Variants in NTN1 observed in about 807,000 individuals in gnomAD.
NTN1 encodes the protein netrin 1, also known as netrin-1.
In NTN1, 11 loss-of-function variants were observed where a neutral mutation model predicts 54.2. The ratio of observed to expected loss-of-function variants is 0.20; its 90% CI spans 0.13 to 0.34. The LOEUF (loss-of-function observed/expected upper bound fraction) is 0.34, where lower values mean the gene tolerates loss of function less well. NTN1 is among the 10% of genes least tolerant of loss of function. The pLI is 1.00. For missense variants in NTN1, 740 were observed against 893.1 expected (o/e 0.83, Z 2.18); for synonymous variants, 371 against 382.0 (o/e 0.97, Z 0.33).
At position 9,023,115 on chromosome 17, in the gene NTN1, C is replaced by A; in HGVS notation, c.742C>A (p.Arg248Ser). ...GGACTGGGTCACGGCCACAGACATC[C>A]GCGTGGCCTTCAGCCGCCTGCACAC... Reference protein sequence around the residue: ...LQDWVTATDIRVAFSRLHTFG... With the variant: ...LQDWVTATDISVAFSRLHTFG... The change falls in exon 2 of 7, where the codon CGC becomes AGC. Residue 248 changes from arginine (R) to serine (S), a missense_variant. Physicochemically the swap from Arg to Ser is moderately radical, Grantham distance 110. Transcript: ENST00000173229. The A allele has an allele frequency of 6.4e-7, 1 of 1,566,756 alleles. No individual in the cohort carries two copies. Among genetic ancestry groups the A allele is most frequent in the Non-Finnish European group, 8.6e-7 (1 of 1,156,280 alleles).
Position 9,163,044 on chromosome 17 carries a change from G to T in NTN1, c.1207+43G>T, listed in dbSNP as rs181255712. ...GGGCGGGGGGCTGGGGAGACCCGGGGAACATCAGTCCTCCCGCTCCCTCCT... is the reference window on the plus strand; with the variant it reads ...GGGCGGGGGGCTGGGGAGACCCGGGTAACATCAGTCCTCCCGCTCCCTCCT... On this transcript the variant is annotated intron_variant, in intron 3 of 6. Transcript: ENST00000173229. 4.6e-3 allele frequency: 7,068 copies of T among 1,540,124 alleles called. 27 individuals are homozygous for T. The highest frequency in any genetic ancestry group is 5.9e-3 in the Non-Finnish European group (6,652 of 1,136,472).
chr17:9,059,028 G>A (rs745491507), intron 2 of NTN1, among the ~76,000 whole-genome samples: 6 of 152,146 alleles, frequency 3.9e-5, no homozygotes, highest in African/African-American at 9.7e-5. Flanking sequence ...GTCTCAGAGG[G>A]CTGTTAGGAG....
chr17:9,221,343 T>C lies in NTN1; in HGVS notation c.1486+101T>C, dbSNP rs942709108. 1.1e-6 allele frequency: 1 copy of C among 870,148 alleles called. No homozygotes were observed. The highest frequency in any genetic ancestry group is 2.6e-4 in the Middle Eastern group (1 of 3,908). The allele number at this position is 870,148 out of a possible 1,614,324, so 53.9% of individuals were successfully genotyped here. ...GCTGGCCCCCGATGGGTGTTGGTCG[T>C]GAAGACCCTGTGACCGATGGGAACT... On this transcript the variant is annotated intron_variant, in intron 6 of 6. Coordinates refer to ENST00000173229, the MANE Select transcript of NTN1 (RefSeq NM_004822.3). The surrounding 1 kb of genome is among the most constrained non-coding windows in gnomAD (Gnocchi z 4.5).
At position 9,221,705 on chromosome 17, in the gene NTN1, C is replaced by T. The variant is rs150646351; in HGVS notation, c.1486+463C>T. 1.3e-5 allele frequency among the ~76,000 whole-genome samples: 2 copies of T among 152,344 alleles called. No homozygotes were observed. The highest frequency in any genetic ancestry group is 2.4e-5 in the African/African-American group (1 of 41,584). On this transcript the variant is annotated intron_variant, in intron 6 of 6. Coordinates refer to ENST00000173229, the MANE Select transcript of NTN1 (RefSeq NM_004822.3). This position sits in a 1 kb window ranked among gnomAD's most constrained non-coding sequence, Gnocchi z 4.5. Reference sequence around the variant, plus strand: ...AGGCTGTAGCGGGGCCGGGAGTCTGCGCTGTAAACGGCTCACCACTCATTC... The same window carrying T: ...AGGCTGTAGCGGGGCCGGGAGTCTGTGCTGTAAACGGCTCACCACTCATTC...
intron 5 of NTN1, among the ~76,000 whole-genome samples, chr17:9,218,915 GAA>G (rs58849878): frequency 0.02 from 2,862 of 141,084 alleles, 56 homozygotes; most frequent in Middle Eastern, 0.05. Flanking sequence ...TGGCTTTTGT[GAA>G]AAAAAAAAAA....
intron 5 of NTN1, among the ~76,000 whole-genome samples, chr17:9,215,397 CTA>C (rs1424158573): frequency 6.6e-6 from 1 of 152,154 alleles, no homozygotes; most frequent in African/African-American, 2.4e-5. Flanking sequence ...TTTGGCATCT[CTA>C]TGTTTACTGG....
intron 3 of NTN1, among the ~76,000 whole-genome samples, chr17:9,164,911 C>G (rs1190179532): frequency 6.6e-6 from 1 of 152,182 alleles, no homozygotes; most frequent in Non-Finnish European, 1.5e-5. Flanking sequence ...AAAGGTGTGA[C>G]CAGGACAAGC....
At chr17:9,177,831 CGA>C (rs757878834) in intron 3 of NTN1, 4 of 152,276 alleles carry the variant, frequency 2.6e-5, no homozygotes, top group African/African-American at 9.6e-5. Context: ...TTCTTACTGT[CGA>C]GAGAGACAAA....
At chr17:9,051,352 G>A (rs906364885) in intron 2 of NTN1, among the ~76,000 whole-genome samples, 4 of 152,120 alleles carry the variant, frequency 2.6e-5, no homozygotes, top group Non-Finnish European at 4.4e-5. Flanking sequence ...CTCCCCTCCC[G>A]GGATTGCTTC....
In NTN1 at chr17:9,221,349, C is replaced by T. The variant is rs1014441971; in HGVS notation, c.1486+107C>T. The T allele has an allele frequency of 7.2e-6, 6 of 837,926 alleles. No homozygotes were observed. Among genetic ancestry groups the T allele is most frequent in the Admixed American group, 3.5e-5 (2 of 57,140 alleles). The allele number at this position is 837,926 out of a possible 1,614,324, so 51.9% of individuals were successfully genotyped here. On this transcript the variant is annotated intron_variant, in intron 6 of 6. Transcript: ENST00000173229. This position sits in a 1 kb window ranked among gnomAD's most constrained non-coding sequence, Gnocchi z 4.5. ...CCCCGATGGGTGTTGGTCGTGAAGACCCTGTGACCGATGGGAACTAGCCGG... is the reference window on the plus strand; with the variant it reads ...CCCCGATGGGTGTTGGTCGTGAAGATCCTGTGACCGATGGGAACTAGCCGG...
chr17:9,166,987 G>A (rs1320346830), intron 3 of NTN1, among the ~76,000 whole-genome samples: 3 of 152,130 alleles, frequency 2.0e-5, no homozygotes, highest in South Asian at 2.1e-4. Flanking sequence ...GGGAAGTTTC[G>A]TAGCAACAAA....
chr17:9,203,788 G>A (rs539304169), intron 5 of NTN1, among the ~76,000 whole-genome samples: 1 of 152,152 alleles, frequency 6.6e-6, no homozygotes, highest in East Asian at 1.9e-4. Context: ...GGGCATCAGA[G>A]TGAGACTCTG....
At chr17:9,040,862 C>T (rs1164553275) in intron 2 of NTN1, among the ~76,000 whole-genome samples, 2 of 151,930 alleles carry the variant, frequency 1.3e-5, no homozygotes, top group Non-Finnish European at 2.9e-5. Context: ...GGCTGGAGTG[C>T]AGTAGCATGA....
chr17:9,065,674 G>T (rs919454720), intron 2 of NTN1, among the ~76,000 whole-genome samples: 3 of 152,216 alleles, frequency 2.0e-5, no homozygotes, highest in Admixed American at 1.3e-4. Context: ...TAGCCCGTGA[G>T]CTCAGTAAAA....
At chr17:9,003,503 C>A in the NTN1 span, among the ~76,000 whole-genome samples, 3 of 150,278 alleles carry the variant, frequency 2.0e-5, no homozygotes, top group Non-Finnish European at 4.5e-5. The surrounding 1 kb of genome is among the most constrained non-coding windows in gnomAD (Gnocchi z 7.4). Context: ...CGCCTTCCTG[C>A]CCGCCCGGGT....
intron 5 of NTN1, among the ~76,000 whole-genome samples, chr17:9,187,713 C>T (rs1388224256): frequency 1.3e-5 from 2 of 150,186 alleles, no homozygotes; most frequent in African/African-American, 2.5e-5. Context: ...CACCTGTAGT[C>T]CCAGCTACTC....
chr17:9,104,834 GGGAGT>G (rs1438490937), intron 2 of NTN1, among the ~76,000 whole-genome samples: 1 of 152,226 alleles, frequency 6.6e-6, no homozygotes. Context: ...CTTTATTCTA[GGGAGT>G]GCGAGGTTGG....
intron 2 of NTN1, among the ~76,000 whole-genome samples, chr17:9,159,067 C>T (rs1416383378): frequency 6.6e-6 from 1 of 152,158 alleles, no homozygotes; most frequent in Non-Finnish European, 1.5e-5. Context: ...TAAAGAGGCA[C>T]ATGTTTTTCT....
intron 2 of NTN1, among the ~76,000 whole-genome samples, chr17:9,161,351 C>G (rs2092356470): frequency 6.6e-6 from 1 of 152,156 alleles, no homozygotes; most frequent in African/African-American, 2.4e-5. Context: ...AGAAACAGAC[C>G]AAAGTTTGGA....
Sources: allele counts gnomAD v4.1 joint callset (sites outside exome capture counted in the v4.1 genomes callset), GRCh38; gene constraint gnomAD v4.1.1; non-coding constraint Gnocchi (gnomAD v3.1); transcripts MANE v1.5; gene names NCBI Gene and HGNC (gene_info 2026-07-23, HGNC 2026-07-21).